Variants in ABHD14A observed in about 807,000 individuals in gnomAD.
ABHD14A encodes abhydrolase domain containing 14A, also known as protein ABHD14A.
A neutral mutation model predicts 27.0 loss-of-function variants in ABHD14A; 19 were observed. The observed-to-expected ratio is 0.70, with a 90% CI of 0.49 to 1.03. The LOEUF is 1.03. Ranked by LOEUF, ABHD14A falls within the 50% of genes least tolerant of loss-of-function variation. The pLI, the probability that ABHD14A is intolerant of heterozygous loss-of-function variation, is 0.00. For synonymous variants in ABHD14A, 148 were observed against 158.8 expected, an observed-to-expected ratio of 0.93 and a Z score of 0.51; for missense variants, 311 against 344.6, an observed-to-expected ratio of 0.90 and a Z score of 0.77.
intron 4 of ABHD14A, 92 bp downstream of exon 4, chr3:51,980,720 A>G: frequency 6.4e-7 from 1 of 1,553,964 alleles, no homozygotes; most frequent in African/African-American, 1.4e-5. Context: ...ACATGGCCTT[A>G]TCCCTGACCT....
Position 51,980,283 on chromosome 3 carries a change from G to A in ABHD14A, c.398-110G>A, listed in dbSNP as rs773152722. 5.4e-6 allele frequency: 5 copies of A among 929,172 alleles called. No homozygotes were observed. The Admixed American group carries it at 5.9e-5, about 11-fold the overall frequency. The allele number at this position is 929,172 out of a possible 1,614,324, so 57.6% of individuals were successfully genotyped here. On this transcript the variant is annotated intron_variant, in intron 3 of 4. Transcript: ENST00000273596. ...GAAAATAGCTTCTGGGCAGTTTTAG[G>A]TAGTGTGTGCCAGTGCCAGTGGTCC... is the stretch of plus-strand genomic sequence containing the variant.
In ABHD14A at chr3:51,978,092, G is replaced by A. The variant is rs759262796; in HGVS notation, c.281+10G>A. On this transcript the variant is annotated intron_variant, in intron 2 of 4. Transcript: ENST00000273596. ...TCAACCAGGCACACAGGTAGGTGCTGCTCCAAGGGTCTAGTGGAGGGACTA... is the reference window on the plus strand; with the variant it reads ...TCAACCAGGCACACAGGTAGGTGCTACTCCAAGGGTCTAGTGGAGGGACTA... 8 of 1,611,420 alleles carry A rather than the reference G, an allele frequency of 5.0e-6. No homozygotes were observed. Among genetic ancestry groups the A allele is most frequent in the Non-Finnish European group, 6.8e-6 (8 of 1,178,740 alleles).
chr3:51,975,073 C>T lies in ABHD14A; in HGVS notation c.-63C>T, dbSNP rs1262278278. On this transcript the variant is annotated 5_prime_UTR_variant, in exon 1 of 5. Coordinates refer to ENST00000273596, the MANE Select transcript of ABHD14A (RefSeq NM_015407.5). ...CGCGGCTGCGGAGTGCGCAGGCGCG[C>T]CGAGATGGCCGCGCTCCTGGCCGCC... is the stretch of plus-strand genomic sequence containing the variant. The T allele has an allele frequency of 2.4e-6, 3 of 1,269,182 alleles. No homozygotes were observed. Among genetic ancestry groups the T allele is most frequent in the East Asian group, 3.2e-5 (1 of 31,474 alleles). The allele number at this position is 1,269,182 out of a possible 1,614,324, so 78.6% of individuals were successfully genotyped here.
At chr3:51,979,463 T>G (rs1467482600) in intron 3 of ABHD14A, among the ~76,000 whole-genome samples, 1 of 151,690 alleles carries the variant, frequency 6.6e-6, no homozygotes, top group Non-Finnish European at 1.5e-5. Flanking sequence ...TGTTTTTTTT[T>G]TGTTTGTTTC....
Position 51,975,105 on chromosome 3 carries a change from C to G in ABHD14A, c.-31C>G. 1.6e-6 allele frequency: 2 copies of G among 1,286,990 alleles called. No homozygotes were observed. The highest frequency in any genetic ancestry group is 2.0e-6 in the Non-Finnish European group (2 of 1,016,848). The allele number at this position is 1,286,990 out of a possible 1,614,324, so 79.7% of individuals were successfully genotyped here. A position where few individuals can be genotyped will look rare whatever the true frequency, so the allele number is the denominator to read the frequency against. ...GGCCGCGCTCCTGGCCGCCTAGAGC[C>G]GGAGCGGCCCGCGGAGCTGCGGAGG... On this transcript the variant is annotated 5_prime_UTR_variant, in exon 1 of 5. Transcript: ENST00000273596.
At position 51,981,178 on chromosome 3, in the gene ABHD14A, T is replaced by A; in HGVS notation, c.*160T>A. 1 of 752,496 alleles carries A rather than the reference T, an allele frequency of 1.3e-6. No individual in the cohort carries two copies. Among genetic ancestry groups the A allele is most frequent in the Non-Finnish European group, 2.1e-6 (1 of 482,900 alleles). The allele number at this position is 752,496 out of a possible 1,614,324, so 46.6% of individuals were successfully genotyped here. On this transcript the variant is annotated 3_prime_UTR_variant, in exon 5 of 5. Coordinates refer to ENST00000273596, the MANE Select transcript of ABHD14A (RefSeq NM_015407.5). ...ATCTCACAGACACAATAAAAAAGCA[T>A]ATTTGTCCTGCCTGGGAAGTGACAG... is the stretch of plus-strand genomic sequence containing the variant.
At chr3:51,980,775 T>C (rs890297906) in intron 4 of ABHD14A, 61 bp from the exon 5 acceptor site, 2 of 1,583,132 alleles carry the variant, frequency 1.3e-6, no homozygotes, top group African/African-American at 2.7e-5. Flanking sequence ...TCCTAGGAAG[T>C]GGCTTGGGGG....
At position 51,980,915 on chromosome 3, in the gene ABHD14A, A is replaced by T. The variant is rs753672240; in HGVS notation, c.713A>T (p.Asn238Ile). The T allele has an allele frequency of 1.2e-6, 2 of 1,614,160 alleles. No individual in the cohort carries two copies. Among genetic ancestry groups the T allele is most frequent in the Non-Finnish European group, 1.7e-6 (2 of 1,180,030 alleles). ...CTGCGGCAGCTCCGCCACCTGCCCAACCACTCTGTGGTGAAGCTACGCAAT... is the reference window on the plus strand; with the variant it reads ...CTGCGGCAGCTCCGCCACCTGCCCATCCACTCTGTGGTGAAGCTACGCAAT... ...ESLRQLRHLP[N>I]HSVVKLRNAG... The change falls in exon 5 of 5, where the codon AAC (asparagine) becomes ATC (isoleucine). Residue 238 changes from asparagine to isoleucine, a missense_variant. Physicochemically the swap from Asn to Ile is moderately radical, Grantham distance 149. Transcript: ENST00000273596.
In ABHD14A at chr3:51,978,262, G is replaced by A; in HGVS notation, c.285G>A (p.Val95=). The A allele has an allele frequency of 1.9e-6, 3 of 1,550,492 alleles. No homozygotes were observed. The highest frequency in any genetic ancestry group is 1.2e-5 in the South Asian group (1 of 84,022). Residue 95 remains valine, a synonymous_variant, in exon 3 of 5, where the codon GTG becomes GTA. Transcript: ENST00000273596. ...EVLPLNQAHR[V]EVVLLHGKAF... is the part of the protein sequence containing the mutation. ...ACATTCCCCTGTGTGCCTGCAGGGT[G>A]GAGGTGGTGCTGCTTCATGGAAAGG...
chr3:51,975,648 G>A (rs1350550823), intron 1 of ABHD14A, among the ~76,000 whole-genome samples: 1 of 152,026 alleles, frequency 6.6e-6, no homozygotes, highest in Non-Finnish European at 1.5e-5. Context: ...GTAGTCTTAC[G>A]GTTGTGTGTA....
In ABHD14A at chr3:51,975,183, C is replaced by CCCGCT. The variant is rs753369162; in HGVS notation, c.50_54dup (p.Ile19ArgfsTer14). The CCCGCT allele has an allele frequency of 1.3e-5, 17 of 1,274,978 alleles. No individual in the cohort carries two copies. The highest frequency in any genetic ancestry group is 1.7e-5 in the Non-Finnish European group (17 of 1,010,190). The allele number at this position is 1,274,978 out of a possible 1,614,324, so 79.0% of individuals were successfully genotyped here. Reference sequence around the variant, plus strand: ...GCTGGTTCCGCCTGGGCGGGGCCCGCCCGCTCATCCCGTTGGGCCCGGTGA... The same window carrying CCCGCT: ...GCTGGTTCCGCCTGGGCGGGGCCCGCCCGCTCCGCTCATCCCGTTGGGCCCGGTGA... On this transcript the variant is annotated frameshift_variant, in exon 1 of 5. Transcript: ENST00000273596. LOFTEE classifies it high-confidence loss of function.
intron 1 of ABHD14A, 72 bp downstream of exon 1, chr3:51,975,276 G>T (rs1417870480): frequency 1.6e-6 from 2 of 1,215,062 alleles, no homozygotes; most frequent in African/African-American, 1.6e-5. Context: ...CCCTTGCCCC[G>T]GCGCCCCGGG....
Position 51,975,114 on chromosome 3 carries a change from C to T in ABHD14A, c.-22C>T. On this transcript the variant is annotated 5_prime_UTR_variant, in exon 1 of 5. Transcript: ENST00000273596. ...CCTGGCCGCCTAGAGCCGGAGCGGCCCGCGGAGCTGCGGAGGCAGCCATGG... is the reference window on the plus strand; with the variant it reads ...CCTGGCCGCCTAGAGCCGGAGCGGCTCGCGGAGCTGCGGAGGCAGCCATGG... 7.7e-7 allele frequency: 1 copy of T among 1,292,054 alleles called. No homozygotes were observed. Among genetic ancestry groups the T allele is most frequent in the Non-Finnish European group, 9.8e-7 (1 of 1,019,778 alleles). 80.0% of individuals were successfully genotyped at this position (1,292,054 alleles called of 1,614,324 possible).
chr3:51,979,461 T>TG (rs1383570757), intron 3 of ABHD14A, among the ~76,000 whole-genome samples: 4 of 151,788 alleles, frequency 2.6e-5, no homozygotes, highest in Admixed American at 6.6e-5. Flanking sequence ...TTTGTTTTTT[T>TG]TTTGTTTGTT....
At position 51,979,725 on chromosome 3, in the gene ABHD14A, C is replaced by T. The variant is rs370280044; in HGVS notation, c.398-668C>T. ...GTCTCAAACTCCTGACCTCATGATC[C>T]GCCACCTCGGCCTCCCAAAGTGCTG... On this transcript the variant is annotated intron_variant, in intron 3 of 4. Transcript: ENST00000273596. Among the ~76,000 whole-genome samples the T allele has an allele frequency of 7.3e-5, 11 of 151,684 alleles. No individual in the cohort carries two copies. The East Asian group carries it at 1.2e-3, about 16-fold the overall frequency.
chr3:51,978,578 C>CT (rs1022038915), intron 3 of ABHD14A: 144 of 376,038 alleles, frequency 3.8e-4, no homozygotes, highest in Middle Eastern at 7.1e-4. Flanking sequence ...AGTATACTTT[C>CT]TTTTTTTTTA....
rs1700888845 is a variant in ABHD14A at position 51,980,481 on chromosome 3, A to G, written c.486A>G (p.Val162=). 1 of 1,613,774 alleles carries G rather than the reference A, an allele frequency of 6.2e-7. No homozygotes were observed. Among genetic ancestry groups the G allele is most frequent in the South Asian group, 1.1e-5 (1 of 91,066 alleles). The change falls in exon 4 of 5, where the codon GTA becomes GTG. Residue 162 remains valine (V), a synonymous_variant. Coordinates refer to ENST00000273596, the MANE Select transcript of ABHD14A (RefSeq NM_015407.5). ...AGCGGGCGCTGCGGGACCTGGAGGT[A>G]CAGAATGCCGTGTTGGTGAGCCCCT... ...LLERALRDLE[V]QNAVLVSPSL... is the part of the protein sequence containing the mutation.
chr3:51,978,223 G>T, intron 2 of ABHD14A, 36 bp from the exon 3 acceptor site: 3 of 1,539,234 alleles, frequency 1.9e-6, no homozygotes, highest in African/African-American at 1.4e-5. Flanking sequence ...GGCTACACCA[G>T]GTTCCCAGCA....
Position 51,975,116 on chromosome 3 carries a change from G to A in ABHD14A, c.-20G>A. 1 of 1,290,460 alleles carries A rather than the reference G, an allele frequency of 7.7e-7. No homozygotes were observed. 79.9% of individuals were successfully genotyped at this position (1,290,460 alleles called of 1,614,324 possible). ...TGGCCGCCTAGAGCCGGAGCGGCCCGCGGAGCTGCGGAGGCAGCCATGGTC... is the reference window on the plus strand; with the variant it reads ...TGGCCGCCTAGAGCCGGAGCGGCCCACGGAGCTGCGGAGGCAGCCATGGTC... On this transcript the variant is annotated 5_prime_UTR_variant, in exon 1 of 5. Coordinates refer to ENST00000273596, the MANE Select transcript of ABHD14A (RefSeq NM_015407.5).
Sources: allele counts gnomAD v4.1 joint callset (sites outside exome capture counted in the v4.1 genomes callset), GRCh38; gene constraint gnomAD v4.1.1; transcripts MANE v1.5; gene names NCBI Gene and HGNC (gene_info 2026-07-23, HGNC 2026-07-21).